The following COLGALT2 variants were observed in gnomAD, a reference collection of about 807,000 sequenced individuals.
COLGALT2 encodes procollagen galactosyltransferase 2.
Under a neutral mutation model 73.4 loss-of-function variants are expected in COLGALT2, and 49 were observed. The observed-to-expected ratio is 0.67, with a 90% CI of 0.53 to 0.85. The LOEUF is 0.85. Ranked by LOEUF, COLGALT2 falls within the 40% of genes least tolerant of loss-of-function variation. The pLI is 0.00. For missense variants in COLGALT2, 722 were observed against 790.2 expected (o/e 0.91, Z 1.03); for synonymous variants, 295 against 307.6 (o/e 0.96, Z 0.43).
chr1:183,971,818 T>A (rs926302050), intron 4 of COLGALT2, among the ~76,000 whole-genome samples: 2 of 152,232 alleles, frequency 1.3e-5, no homozygotes, highest in Non-Finnish European at 2.9e-5. Flanking sequence ...TCCCCACCAC[T>A]CTAATGACAC....
chr1:183,980,256 G>C (rs1031373997), intron 1 of COLGALT2, among the ~76,000 whole-genome samples: 1 of 151,868 alleles, frequency 6.6e-6, no homozygotes, highest in African/African-American at 2.4e-5. Flanking sequence ...AGAAAGTTGT[G>C]AGATATAAAA....
At chr1:184,000,928 C>T (rs1217238262) in intron 1 of COLGALT2, among the ~76,000 whole-genome samples, 1 of 149,634 alleles carries the variant, frequency 6.7e-6, no homozygotes, top group Non-Finnish European at 1.5e-5. Flanking sequence ...CTCCCGGGTT[C>T]ACGCCATTCT....
intron 1 of COLGALT2, among the ~76,000 whole-genome samples, chr1:184,036,523 C>A (rs1649681835): frequency 6.6e-6 from 1 of 152,216 alleles, no homozygotes; most frequent in Non-Finnish European, 1.5e-5. Context: ...CAATCTCCAC[C>A]CCTAGGTCCA....
intron 1 of COLGALT2, among the ~76,000 whole-genome samples, chr1:184,030,543 A>T (rs1437771399): frequency 6.6e-6 from 1 of 152,210 alleles, no homozygotes; most frequent in Non-Finnish European, 1.5e-5. Context: ...ACGGTGCCAC[A>T]CAGCAATATG....
At chr1:184,026,870 T>C (rs1649347899) in intron 1 of COLGALT2, among the ~76,000 whole-genome samples, 1 of 151,420 alleles carries the variant, frequency 6.6e-6, no homozygotes, top group African/African-American at 2.5e-5. Flanking sequence ...TTCCCTGTAC[T>C]CTAAGATGTT....
chr1:184,016,828 C>T (rs1330206803), intron 1 of COLGALT2, among the ~76,000 whole-genome samples: 1 of 152,204 alleles, frequency 6.6e-6, no homozygotes, highest in African/African-American at 2.4e-5. Context: ...AACTGCCTGA[C>T]ATATTGCTGT....
At chr1:183,970,414 T>C (rs1671005430) in intron 4 of COLGALT2, among the ~76,000 whole-genome samples, 1 of 152,194 alleles carries the variant, frequency 6.6e-6, no homozygotes, top group Non-Finnish European at 1.5e-5. Context: ...ACTCTGGAAG[T>C]TCTTATGTGT....
chr1:183,999,696 A>G (rs1558331865), intron 1 of COLGALT2, among the ~76,000 whole-genome samples: 1 of 152,156 alleles, frequency 6.6e-6, no homozygotes, highest in Non-Finnish European at 1.5e-5. Context: ...TATTTCTCTC[A>G]GAATTTTAAA....
intron 1 of COLGALT2, among the ~76,000 whole-genome samples, chr1:184,007,315 T>C (rs558588770): frequency 4.6e-5 from 7 of 152,328 alleles, no homozygotes; most frequent in Non-Finnish European, 8.8e-5. Context: ...TTTATTATTG[T>C]ATGTGTTCAC....
intron 1 of COLGALT2, among the ~76,000 whole-genome samples, chr1:183,989,770 C>A (rs1671582161): frequency 2.0e-5 from 3 of 152,210 alleles, no homozygotes. Flanking sequence ...ACTCTGTAAT[C>A]TTAATGAATT....
chr1:183,998,847 G>A (rs941827897), intron 1 of COLGALT2, among the ~76,000 whole-genome samples: 4 of 151,854 alleles, frequency 2.6e-5, no homozygotes, highest in African/African-American at 9.7e-5. Context: ...TTAAATAAAT[G>A]AGTATCTGTT....
intron 1 of COLGALT2, among the ~76,000 whole-genome samples, chr1:184,026,792 T>C (rs1649346032): frequency 6.6e-6 from 1 of 152,056 alleles, no homozygotes; most frequent in Non-Finnish European, 1.5e-5. Flanking sequence ...AAACCAAGAT[T>C]AGGGTATATA....
intron 1 of COLGALT2, among the ~76,000 whole-genome samples, chr1:184,017,153 G>T (rs1184531027): frequency 6.6e-6 from 1 of 152,212 alleles, no homozygotes; most frequent in Non-Finnish European, 1.5e-5. Flanking sequence ...TCTGTTCATA[G>T]TACTGCCACA....
intron 9 of COLGALT2, among the ~76,000 whole-genome samples, chr1:183,944,559 A>G (rs1189731596): frequency 6.6e-6 from 1 of 152,202 alleles, no homozygotes; most frequent in Non-Finnish European, 1.5e-5. Flanking sequence ...TCATGTTAGG[A>G]GAGTACACAT....
intron 1 of COLGALT2, among the ~76,000 whole-genome samples, chr1:184,031,949 C>T (rs1649526229): frequency 6.6e-6 from 1 of 151,868 alleles, no homozygotes. Flanking sequence ...CAGGAAGAAG[C>T]ACAGTGGCTC....
chr1:183,971,413 G>A (rs1671033882), intron 4 of COLGALT2, among the ~76,000 whole-genome samples: 1 of 152,138 alleles, frequency 6.6e-6, no homozygotes, highest in East Asian at 1.9e-4. Flanking sequence ...TTGCTTTTAA[G>A]CCTGAAAGTA....
intron 7 of COLGALT2, among the ~76,000 whole-genome samples, chr1:183,954,430 A>G (rs1670497806): frequency 1.3e-5 from 2 of 152,238 alleles, no homozygotes; most frequent in South Asian, 4.1e-4. Context: ...TAAAACATGT[A>G]TCCTCTGTAT....
intron 4 of COLGALT2, among the ~76,000 whole-genome samples, chr1:183,970,298 T>C (rs539138114): frequency 1.3e-3 from 194 of 152,300 alleles, no homozygotes; most frequent in Non-Finnish European, 2.1e-3. Flanking sequence ...TTACAAAACA[T>C]ACTTGTGGAA....
downstream of COLGALT2, among the ~76,000 whole-genome samples, chr1:183,933,533 A>G (rs1185667585): frequency 6.6e-6 from 1 of 152,244 alleles, no homozygotes; most frequent in African/African-American, 2.4e-5. Flanking sequence ...ATGCCTGGAC[A>G]ACTGAACTCC....
Sources: allele counts gnomAD v4.1 joint callset (sites outside exome capture counted in the v4.1 genomes callset), GRCh38; gene constraint gnomAD v4.1.1; transcripts MANE v1.5; gene names NCBI Gene and HGNC (gene_info 2026-07-23, HGNC 2026-07-21).